Variants in STXBP4 observed in about 807,000 individuals in gnomAD.
STXBP4 encodes the protein syntaxin-binding protein 4.
In STXBP4, 55 loss-of-function variants were observed where a neutral mutation model predicts 76.1. That is an observed-to-expected ratio of 0.72 (90% CI 0.58 to 0.91). The LOEUF (loss-of-function observed/expected upper bound fraction) is 0.91, where lower values mean the gene tolerates loss of function less well. Among genes scored for constraint, STXBP4 ranks in the 40% least tolerant of loss-of-function variants. The probability of loss-of-function intolerance (pLI) is 0.00; values close to 1 mark genes in which losing one functional copy is unlikely to be tolerated. For synonymous variants in STXBP4, 201 were observed against 220.2 expected (o/e 0.91, Z 0.77); for missense variants, 618 against 636.9 (o/e 0.97, Z 0.32).
At chr17:55,038,061 T>A (rs2144716646) in intron 10 of STXBP4, among the ~76,000 whole-genome samples, 1 of 152,282 alleles carries the variant, frequency 6.6e-6, no homozygotes, top group South Asian at 2.1e-4. Flanking sequence ...GTCAACCGTC[T>A]CAGTTTCACA....
Position 55,007,565 on chromosome 17 carries a change from T to A in STXBP4, c.634T>A (p.Ser212Thr). The change falls in exon 8 of 18, where the codon TCT becomes ACT. Residue 212 changes from serine to threonine, a missense_variant. Ser to Thr is a moderately conservative substitution (Grantham distance 58). Coordinates refer to ENST00000376352, the MANE Select transcript of STXBP4 (RefSeq NM_178509.6). ...GLQEKISLNP[S>T]VRFKAEKLEM... ...ACAAGAAAAGATCTCCCTAAATCCC[T>A]CTGTTCGCTTTAAGGCAGAGAAACT... 2.5e-6 allele frequency: 4 copies of A among 1,606,752 alleles called. No homozygotes were observed. Among genetic ancestry groups the A allele is most frequent in the Non-Finnish European group, 3.4e-6 (4 of 1,178,192 alleles).
At chr17:55,136,338 G>C (rs2080028313) in intron 16 of STXBP4, among the ~76,000 whole-genome samples, 1 of 152,096 alleles carries the variant, frequency 6.6e-6, no homozygotes, top group South Asian at 2.1e-4. Flanking sequence ...AGCCACAGTA[G>C]TATGTTTGAG....
intron 16 of STXBP4, among the ~76,000 whole-genome samples, chr17:55,099,600 G>A (rs1246292068): frequency 6.6e-6 from 1 of 152,114 alleles, no homozygotes; most frequent in Admixed American, 6.5e-5. Flanking sequence ...CTACAAATGT[G>A]GTCTGTCATT....
chr17:55,073,677 G>A (rs1267277647), intron 13 of STXBP4, among the ~76,000 whole-genome samples: 1 of 152,178 alleles, frequency 6.6e-6, no homozygotes, highest in Non-Finnish European at 1.5e-5. Flanking sequence ...CGCCCAGGCT[G>A]GAGTGCAATG....
intron 12 of STXBP4, among the ~76,000 whole-genome samples, chr17:55,069,354 A>C (rs2079094369): frequency 6.6e-6 from 1 of 152,142 alleles, no homozygotes; most frequent in South Asian, 2.1e-4. Context: ...GTAAATCAGT[A>C]AATGGACGAC....
At chr17:55,199,365 C>T in the STXBP4 span, among the ~76,000 whole-genome samples, 1 of 152,160 alleles carries the variant, frequency 6.6e-6, no homozygotes, top group Non-Finnish European at 1.5e-5. Context: ...TGATCAAAGT[C>T]CTCCAACAAT....
Position 54,990,939 on chromosome 17 carries a change from T to TG in STXBP4, c.164dup (p.Gly56ArgfsTer5). ...TGGTATATATTCAGGAAATTATTCC[T>TG]GGAGGAGACTGTTATAAGGTAAAAA... On this transcript the variant is annotated frameshift_variant, in exon 4 of 18. Coordinates refer to ENST00000376352, the MANE Select transcript of STXBP4 (RefSeq NM_178509.6). LOFTEE classifies it high-confidence loss of function. The TG allele has an allele frequency of 6.3e-7, 1 of 1,583,244 alleles. No individual in the cohort carries two copies.
downstream of STXBP4, among the ~76,000 whole-genome samples, chr17:55,175,448 C>T (rs1020153100): frequency 1.3e-5 from 2 of 152,150 alleles, no homozygotes; most frequent in African/African-American, 4.8e-5. Context: ...TGACAGAAAC[C>T]AGCCCAGGCT....
In STXBP4 at chr17:55,031,538, G is replaced by A. The variant is rs537632564; in HGVS notation, c.763+274G>A. Among the ~76,000 whole-genome samples, 4 of 152,112 alleles carry A rather than the reference G, an allele frequency of 2.6e-5. No individual in the cohort carries two copies. In the South Asian group the frequency reaches 6.2e-4, roughly 24 times the overall value. On this transcript the variant is annotated intron_variant, in intron 9 of 17. Coordinates refer to ENST00000376352, the MANE Select transcript of STXBP4 (RefSeq NM_178509.6). The stretch of plus-strand genomic sequence containing the variant: ...ATTTTTTATTTATTGCATAAACATT[G>A]CTTTAGTAATAACAAAAGAAACAGT...
intron 16 of STXBP4, among the ~76,000 whole-genome samples, chr17:55,097,650 A>C (rs1161364843): frequency 6.7e-6 from 1 of 149,194 alleles, no homozygotes; most frequent in East Asian, 2.0e-4. Flanking sequence ...GCAACAGAGC[A>C]AGACTCCATC....
chr17:55,035,114 T>A (rs1378281987), intron 10 of STXBP4, among the ~76,000 whole-genome samples: 1 of 152,026 alleles, frequency 6.6e-6, no homozygotes, highest in Non-Finnish European at 1.5e-5. Context: ...AACTTTATCA[T>A]ATACTAAATT....
chr17:55,126,476 T>C (rs1224518127), intron 16 of STXBP4, among the ~76,000 whole-genome samples: 1 of 152,198 alleles, frequency 6.6e-6, no homozygotes, highest in East Asian at 1.9e-4. Flanking sequence ...GGCACAGAAG[T>C]AGAAATAAAC....
intron 12 of STXBP4, among the ~76,000 whole-genome samples, chr17:55,067,454 A>G (rs2079067295): frequency 6.6e-6 from 1 of 152,202 alleles, no homozygotes; most frequent in South Asian, 2.1e-4. Flanking sequence ...AATGTGACCC[A>G]AAGTGTCTTG....
chr17:55,201,739 C>T, the STXBP4 span, among the ~76,000 whole-genome samples: 1 of 152,186 alleles, frequency 6.6e-6, no homozygotes, highest in African/African-American at 2.4e-5. Flanking sequence ...GATCTGCTCT[C>T]TCTGTATTTG....
At chr17:55,117,624 T>A (rs1404741654) in intron 16 of STXBP4, among the ~76,000 whole-genome samples, 2 of 151,284 alleles carry the variant, frequency 1.3e-5, no homozygotes, top group African/African-American at 2.4e-5. Context: ...TAATTTCAGC[T>A]GTATCTAAAA....
At chr17:55,085,155 C>A (rs1371938189) in intron 16 of STXBP4, among the ~76,000 whole-genome samples, 1 of 141,256 alleles carries the variant, frequency 7.1e-6, no homozygotes, top group Non-Finnish European at 1.5e-5. Flanking sequence ...GGGAATTGAA[C>A]AATGAGAACA....
At chr17:55,208,968 G>C in the STXBP4 span, among the ~76,000 whole-genome samples, 1 of 151,774 alleles carries the variant, frequency 6.6e-6, no homozygotes, top group South Asian at 2.1e-4. Flanking sequence ...TGTAATCCCA[G>C]TTACTCAGGA....
At chr17:55,064,109 CA>C (rs2079022787) in intron 12 of STXBP4, among the ~76,000 whole-genome samples, 1 of 152,196 alleles carries the variant, frequency 6.6e-6, no homozygotes, top group South Asian at 2.1e-4. Context: ...GGGTTAAAAA[CA>C]AGACTTCTCT....
intron 10 of STXBP4, among the ~76,000 whole-genome samples, chr17:55,039,410 A>T (rs947786527): frequency 2.0e-4 from 30 of 152,094 alleles, no homozygotes; most frequent in African/African-American, 7.0e-4. Context: ...GGTAAATGTT[A>T]AGTTTAGAAG....
Sources: allele counts gnomAD v4.1 joint callset (sites outside exome capture counted in the v4.1 genomes callset), GRCh38; gene constraint gnomAD v4.1.1; transcripts MANE v1.5; gene names NCBI Gene and HGNC (gene_info 2026-07-23, HGNC 2026-07-21).